The following FGF12 variants were observed in gnomAD, a reference collection of about 807,000 sequenced individuals.
FGF12 encodes fibroblast growth factor 12, also known as fibroblast growth factor 12B.
A neutral mutation model predicts 23.6 loss-of-function variants in FGF12; 14 were observed. That is an observed-to-expected ratio of 0.59 (90% CI 0.39 to 0.93). The LOEUF is 0.93. Among genes scored for constraint, FGF12 ranks in the 40% least tolerant of loss-of-function variants. FGF12 has a pLI of 0.00. For synonymous variants in FGF12, 62 were observed against 77.3 expected (o/e 0.80, Z 1.04); for missense variants, 175 against 217.8 (o/e 0.80, Z 1.24).
intron 4 of FGF12, among the ~76,000 whole-genome samples, chr3:192,329,410 C>T (rs1284012415): frequency 6.6e-6 from 1 of 152,164 alleles, no homozygotes; most frequent in East Asian, 1.9e-4. Flanking sequence ...ATGTATCATT[C>T]TATCAAGTTA....
Position 192,543,264 on chromosome 3 carries a change from G to A in FGF12, c.14-182726C>T, listed in dbSNP as rs190942269. Among the ~76,000 whole-genome samples, 26 of 152,178 alleles carry A rather than the reference G, an allele frequency of 1.7e-4. No homozygotes were observed. In the East Asian group the frequency reaches 5.0e-3, roughly 30 times the overall value. The stretch of plus-strand genomic sequence containing the variant: ...CTTCCCTCCCTTTTCTGTAAGCACA[G>A]AGTTTCTGCCTGTGGCCACCCTTGC... On this transcript the variant is annotated intron_variant, in intron 2 of 5. Coordinates refer to ENST00000445105, the MANE Select transcript of FGF12 (RefSeq NM_004113.6).
intron 4 of FGF12, among the ~76,000 whole-genome samples, chr3:192,255,262 G>T (rs545334170): frequency 6.6e-6 from 1 of 151,976 alleles, no homozygotes; most frequent in Non-Finnish European, 1.5e-5. Flanking sequence ...ATTAATGTTA[G>T]AGAAAAGTTT....
In FGF12 at chr3:192,408,645, A is replaced by C; in HGVS notation, c.14-48107T>G. 1 of 1,036,698 alleles carries C rather than the reference A, an allele frequency of 9.6e-7. No individual in the cohort carries two copies. Among genetic ancestry groups the C allele is most frequent in the Non-Finnish European group, 1.2e-6 (1 of 861,754 alleles). The allele number at this position is 1,036,698 out of a possible 1,614,324, so 64.2% of individuals were successfully genotyped here. ...AGACGTGCCTCTGTTGGAGAGGCGC[A>C]AGCGTTGTAAGGTGTCCAAAGTATA... On this transcript the variant is annotated intron_variant, in intron 2 of 5. Coordinates refer to ENST00000445105, the MANE Select transcript of FGF12 (RefSeq NM_004113.6). The surrounding 1 kb of genome is among the most constrained non-coding windows in gnomAD (Gnocchi z 7.3).
intron 4 of FGF12, among the ~76,000 whole-genome samples, chr3:192,304,523 C>T (rs1440606327): frequency 1.3e-5 from 2 of 151,778 alleles, no homozygotes; most frequent in Non-Finnish European, 2.9e-5. Context: ...AAAGGAAAGA[C>T]CAGGAAATTT....
In FGF12 at chr3:192,274,595, G is replaced by GAGAGAC. The variant is rs1275810281; in HGVS notation, c.228+60765_228+60766insGTCTCT. On this transcript the variant is annotated intron_variant, in intron 4 of 5. Transcript: ENST00000445105. ...GAGAGAGGAGAGAGAAGAGGGGAAAGAGAGAGAGATAGAATATAGAAGAAA... is the reference window on the plus strand; with the variant it reads ...GAGAGAGGAGAGAGAAGAGGGGAAAGAGAGACAGAGAGAGATAGAATATAGAAGAAA... Among the ~76,000 whole-genome samples the GAGAGAC allele has an allele frequency of 3.3e-5, 5 of 151,990 alleles. No individual in the cohort carries two copies. In the East Asian group the frequency reaches 9.7e-4, roughly 29 times the overall value.
intron 3 of FGF12, among the ~76,000 whole-genome samples, chr3:192,356,451 G>C (rs769429265): frequency 6.6e-6 from 1 of 152,080 alleles, no homozygotes; most frequent in African/African-American, 2.4e-5. Context: ...AAAATAATTA[G>C]CTTTTTAATT....
At chr3:192,484,097 A>G (rs927580436) in intron 2 of FGF12, among the ~76,000 whole-genome samples, 4 of 152,150 alleles carry the variant, frequency 2.6e-5, no homozygotes, top group Admixed American at 6.6e-5. Flanking sequence ...AAGACTAGCC[A>G]CAGAGGCCCA....
intron 2 of FGF12, among the ~76,000 whole-genome samples, chr3:192,633,395 T>C (rs965159347): frequency 3.3e-5 from 5 of 152,166 alleles, no homozygotes; most frequent in Non-Finnish European, 5.9e-5. Flanking sequence ...TAAGCTAATA[T>C]GGCTTCATCT....
chr3:192,720,648 A>G (rs1719009710), intron 2 of FGF12, among the ~76,000 whole-genome samples: 1 of 152,206 alleles, frequency 6.6e-6, no homozygotes. Flanking sequence ...CCAAGTCTGT[A>G]GTACAGAAAT....
intron 2 of FGF12, among the ~76,000 whole-genome samples, chr3:192,641,571 A>AT (rs774679053): frequency 9.2e-4 from 138 of 150,290 alleles, no homozygotes; most frequent in Non-Finnish European, 1.7e-3. Context: ...TGCCCAACTA[A>AT]TTTTTTGTAT....
At chr3:192,679,679 A>G (rs1395279804) in intron 2 of FGF12, among the ~76,000 whole-genome samples, 1 of 152,028 alleles carries the variant, frequency 6.6e-6, no homozygotes, top group East Asian at 1.9e-4. Flanking sequence ...ATCTTCTCAT[A>G]CAGGGAGGCC....
intron 2 of FGF12, among the ~76,000 whole-genome samples, chr3:192,390,476 G>C (rs1720245040): frequency 6.6e-6 from 1 of 152,206 alleles, no homozygotes; most frequent in Non-Finnish European, 1.5e-5. Flanking sequence ...GAAAAATTAT[G>C]TGTGAAGAAT....
At chr3:192,558,894 T>C (rs1164730541) in intron 2 of FGF12, among the ~76,000 whole-genome samples, 1 of 151,834 alleles carries the variant, frequency 6.6e-6, no homozygotes, top group Non-Finnish European at 1.5e-5. Flanking sequence ...AAATGGAATA[T>C]CCACATCAAA....
Position 192,540,177 on chromosome 3 carries a change from T to C in FGF12, c.14-179639A>G, listed in dbSNP as rs1313319148. On this transcript the variant is annotated intron_variant, in intron 2 of 5. Transcript: ENST00000445105. ...CTAAACTTTATTATTTTTTCTCTAC[T>C]AATTTCGGGTTTGTTTTATTCTTGC... is the stretch of plus-strand genomic sequence containing the variant. Among the ~76,000 whole-genome samples, 12 of 152,076 alleles carry C rather than the reference T, an allele frequency of 7.9e-5. No homozygotes were observed. In the South Asian group the frequency reaches 1.9e-3, roughly 24 times the overall value.
intron 2 of FGF12, among the ~76,000 whole-genome samples, chr3:192,389,561 A>G (rs1053679662): frequency 2.0e-5 from 3 of 152,250 alleles, no homozygotes; most frequent in Non-Finnish European, 1.5e-5. Context: ...ATCTAGCAAA[A>G]TAAAAAGAAG....
At chr3:192,448,154 A>T (rs1037518873) in intron 2 of FGF12, among the ~76,000 whole-genome samples, 5 of 152,214 alleles carry the variant, frequency 3.3e-5, no homozygotes, top group African/African-American at 1.2e-4. Flanking sequence ...ACGGAAGGAC[A>T]CTTGGGTTAT....
At chr3:192,483,087 C>A (rs1285697176) in intron 2 of FGF12, among the ~76,000 whole-genome samples, 2 of 152,186 alleles carry the variant, frequency 1.3e-5, no homozygotes, top group South Asian at 2.1e-4. Flanking sequence ...ATGCCAGTAA[C>A]CCTGCCGTCC....
intron 2 of FGF12, among the ~76,000 whole-genome samples, chr3:192,492,208 ATAAT>A (rs1245372511): frequency 2.6e-5 from 4 of 152,228 alleles, no homozygotes. Context: ...AAGGAATGAA[ATAAT>A]TATTTTGCAC....
intron 5 of FGF12, among the ~76,000 whole-genome samples, chr3:192,162,250 T>A (rs1219122501): frequency 6.6e-6 from 1 of 152,142 alleles, no homozygotes; most frequent in Non-Finnish European, 1.5e-5. Flanking sequence ...TTACATGGGA[T>A]CCTTTTGGAA....
Sources: gnomAD v4.1 joint callset for allele counts (sites outside exome capture counted in the v4.1 genomes callset) on GRCh38, gnomAD v4.1.1 for gene constraint, Gnocchi (gnomAD v3.1) non-coding constraint, MANE v1.5 for transcripts, NCBI Gene and HGNC (gene_info 2026-07-23, HGNC 2026-07-21) for gene names.